The following TMEFF2 variants were observed in gnomAD, a reference collection of about 807,000 sequenced individuals.
TMEFF2 encodes the protein tomoregulin-2.
Under a neutral mutation model 53.8 loss-of-function variants are expected in TMEFF2, and 28 were observed. The ratio of observed to expected loss-of-function variants is 0.52; its 90% CI spans 0.39 to 0.71. The LOEUF (loss-of-function observed/expected upper bound fraction) is 0.71. TMEFF2 is among the 30% of genes least tolerant of loss of function. The probability of loss-of-function intolerance (pLI) is 0.00; values close to 1 mark genes in which losing one functional copy is unlikely to be tolerated. For missense variants in TMEFF2, 353 were observed against 455.2 expected (o/e 0.78, Z 2.04); for synonymous variants, 162 against 166.3 (o/e 0.97, Z 0.20).
chr2:191,987,712 T>C (rs1686013090), intron 7 of TMEFF2, among the ~76,000 whole-genome samples: 1 of 152,208 alleles, frequency 6.6e-6, no homozygotes, highest in Non-Finnish European at 1.5e-5. Flanking sequence ...GAGATGAGAC[T>C]AAGTCAAAAG....
At chr2:192,056,725 A>G (rs1687919341) in intron 5 of TMEFF2, among the ~76,000 whole-genome samples, 1 of 152,056 alleles carries the variant, frequency 6.6e-6, no homozygotes. Context: ...AACCCCCAAG[A>G]TGATAGTATT....
Position 191,949,991 on chromosome 2 carries a change from A to AGATACC in TMEFF2, c.*314_*319dup, listed in dbSNP as rs1691820920. 9.0e-7 allele frequency: 1 copy of AGATACC among 1,106,512 alleles called. No homozygotes were observed. The highest frequency in any genetic ancestry group is 2.6e-5 in the South Asian group (1 of 38,604). 68.5% of individuals were successfully genotyped at this position (1,106,512 alleles called of 1,614,324 possible). On this transcript the variant is annotated 3_prime_UTR_variant, in exon 10 of 10. Coordinates refer to ENST00000272771, the MANE Select transcript of TMEFF2 (RefSeq NM_016192.4). ...TAGTCTGATTATATTTACAGTTATG[A>AGATACC]GATACCGCAAATTTAAGAATGCCAA...
intron 4 of TMEFF2, among the ~76,000 whole-genome samples, chr2:192,147,487 C>G (rs902267940): frequency 6.6e-6 from 1 of 151,858 alleles, no homozygotes. Context: ...CCACTCCCCC[C>G]ACCCCACAAC....
At chr2:192,092,953 C>T (rs1051940172) in intron 4 of TMEFF2, among the ~76,000 whole-genome samples, 1 of 152,074 alleles carries the variant, frequency 6.6e-6, no homozygotes, top group Non-Finnish European at 1.5e-5. Context: ...GGCTATAAGA[C>T]AATAGAGTTG....
chr2:192,016,125 T>C (rs879520424), intron 5 of TMEFF2, among the ~76,000 whole-genome samples: 8 of 152,090 alleles, frequency 5.3e-5, no homozygotes, highest in Non-Finnish European at 1.0e-4. Flanking sequence ...ATATTTGGGG[T>C]TGTGGCCATA....
chr2:192,045,436 A>G (rs1436381448), intron 5 of TMEFF2, among the ~76,000 whole-genome samples: 1 of 152,204 alleles, frequency 6.6e-6, no homozygotes, highest in Non-Finnish European at 1.5e-5. Flanking sequence ...ATCTCTCTCA[A>G]TGGGCAAAAA....
chr2:192,040,170 A>G (rs1295312041), intron 5 of TMEFF2, among the ~76,000 whole-genome samples: 1 of 152,102 alleles, frequency 6.6e-6, no homozygotes, highest in Non-Finnish European at 1.5e-5. Context: ...TGTCTTTTCT[A>G]ACTACACCAT....
At chr2:191,972,571 GACCAGT>G (rs1203841407) in intron 7 of TMEFF2, among the ~76,000 whole-genome samples, 2 of 151,996 alleles carry the variant, frequency 1.3e-5, no homozygotes, top group African/African-American at 4.8e-5. Flanking sequence ...GCAAACAGGA[GACCAGT>G]ACAGTGGTGT....
intron 4 of TMEFF2, among the ~76,000 whole-genome samples, chr2:192,068,510 G>A (rs1297086266): frequency 2.0e-5 from 3 of 151,862 alleles, no homozygotes; most frequent in Admixed American, 6.6e-5. Flanking sequence ...GAGCAAAGGA[G>A]CAAGTAAGAA....
At chr2:192,030,731 G>A (rs895805948) in intron 5 of TMEFF2, 1 of 152,046 alleles carries the variant, frequency 6.6e-6, no homozygotes, top group Non-Finnish European at 1.5e-5. Flanking sequence ...GAACTACACT[G>A]GTGTCAACAG....
chr2:192,016,103 A>T (rs976286311), intron 5 of TMEFF2, among the ~76,000 whole-genome samples: 20 of 152,302 alleles, frequency 1.3e-4, no homozygotes, highest in African/African-American at 4.6e-4. Flanking sequence ...ACAGAGAACA[A>T]TGATGGTACC....
At position 192,027,064 on chromosome 2, in the gene TMEFF2, A is replaced by G. The variant is rs181499130; in HGVS notation, c.537-27856T>C. Among the ~76,000 whole-genome samples the G allele has an allele frequency of 3.8e-4, 58 of 152,344 alleles. No individual in the cohort carries two copies. The East Asian group carries it at 0.011, about 28-fold the overall frequency. On this transcript the variant is annotated intron_variant, in intron 5 of 9. Transcript: ENST00000272771. ...CAAGTACAATAATTCACCCCTAACA[A>G]TAACTTAAATAAGATTTTTTAAGAG...
chr2:191,962,717 G>A (rs73984823), intron 7 of TMEFF2, among the ~76,000 whole-genome samples: 4,043 of 152,280 alleles, frequency 0.027, 190 homozygotes, highest in African/African-American at 0.092. Context: ...CAAGGCTCAT[G>A]TAGATTTAGT....
intron 4 of TMEFF2, among the ~76,000 whole-genome samples, chr2:192,168,643 T>C (rs1027646386): frequency 5.3e-5 from 8 of 152,064 alleles, no homozygotes; most frequent in African/African-American, 1.9e-4. Context: ...GGCATGCCAT[T>C]ATTTTTTTAT....
chr2:192,177,714 A>G (rs1287982728), intron 4 of TMEFF2: 2 of 151,118 alleles, frequency 1.3e-5, no homozygotes, highest in East Asian at 3.9e-4. Context: ...AAAGAAAATA[A>G]AGTGTTTTCC....
At chr2:192,179,539 T>G in intron 4 of TMEFF2, 129 bp downstream of exon 4, 3 of 980,350 alleles carry the variant, frequency 3.1e-6, no homozygotes, top group Non-Finnish European at 4.4e-6. Context: ...CAATTTTTTA[T>G]GGTTTCACCT....
chr2:192,098,719 G>A (rs1377394825), intron 4 of TMEFF2, among the ~76,000 whole-genome samples: 6 of 152,066 alleles, frequency 3.9e-5, no homozygotes, highest in African/African-American at 1.2e-4. Context: ...TTCTCTCCTG[G>A]GTAAAATGGT....
At chr2:191,963,938 C>A (rs1692340734) in intron 7 of TMEFF2, among the ~76,000 whole-genome samples, 1 of 151,976 alleles carries the variant, frequency 6.6e-6, no homozygotes, top group Non-Finnish European at 1.5e-5. Context: ...ATAAAATTTC[C>A]ATTTTTTTAT....
chr2:192,085,718 A>AAC (rs1443216374), intron 4 of TMEFF2, among the ~76,000 whole-genome samples: 1 of 151,962 alleles, frequency 6.6e-6, no homozygotes, highest in Non-Finnish European at 1.5e-5. Context: ...GGAAAAAAAA[A>AAC]AAAACCACAA....
Sources: allele counts gnomAD v4.1 joint callset (sites outside exome capture counted in the v4.1 genomes callset), GRCh38; gene constraint gnomAD v4.1.1; transcripts MANE v1.5; gene names NCBI Gene and HGNC (gene_info 2026-07-23, HGNC 2026-07-21).